The following DTX4 variants were observed in gnomAD, a reference collection of about 807,000 sequenced individuals.
The protein encoded by DTX4 is deltex E3 ubiquitin ligase 4, also known as E3 ubiquitin-protein ligase DTX4.
Under a neutral mutation model 57.6 loss-of-function variants are expected in DTX4, and 28 were observed. That is an observed-to-expected ratio of 0.49 (90% CI 0.36 to 0.67). The LOEUF is 0.67. Among genes scored for constraint, DTX4 ranks in the 30% least tolerant of loss-of-function variants. DTX4 has a pLI of 0.00. For missense variants in DTX4, 715 were observed against 836.8 expected (o/e 0.85, Z 1.80); for synonymous variants, 316 against 331.0 (o/e 0.95, Z 0.49).
At chr11:59,180,642 C>T (rs610123) in intron 1 of DTX4, among the ~76,000 whole-genome samples, 67,676 of 151,900 alleles carry the variant, frequency 0.45, 15,244 homozygotes, top group Middle Eastern at 0.47. Flanking sequence ...ACCTCCCCAC[C>T]CTGCCCTGAG....
Position 59,188,254 on chromosome 11 carries a change from G to A in DTX4, c.936-481G>A, listed in dbSNP as rs1862551020. Among the ~76,000 whole-genome samples, 3 of 152,120 alleles carry A rather than the reference G, an allele frequency of 2.0e-5. No individual in the cohort carries two copies. The South Asian group carries it at 6.2e-4, about 31-fold the overall frequency. On this transcript the variant is annotated intron_variant, in intron 2 of 8. Coordinates refer to ENST00000227451, the MANE Select transcript of DTX4 (RefSeq NM_015177.2). ...AAGTAGAGCAGGAGTCCTGGCGTGG[G>A]ATGGAGGGGTGGGTAGCAATATTCA...
At chr11:59,198,985 G>A (rs562480810) in intron 7 of DTX4, among the ~76,000 whole-genome samples, 3 of 152,332 alleles carry the variant, frequency 2.0e-5, no homozygotes, top group African/African-American at 7.2e-5. Context: ...CAAGTGGCCT[G>A]AGACTGCCTA....
chr11:59,197,728 G>A (rs188341325), intron 7 of DTX4, among the ~76,000 whole-genome samples: 12 of 152,304 alleles, frequency 7.9e-5, no homozygotes, highest in Non-Finnish European at 1.5e-4. Context: ...GATATGGTTG[G>A]ATATGGGGTC....
Position 59,204,947 on chromosome 11 carries a change from C to T in DTX4, c.*38C>T. The T allele has an allele frequency of 6.6e-7, 1 of 1,524,556 alleles. No homozygotes were observed. 94.4% of individuals were successfully genotyped at this position (1,524,556 alleles called of 1,614,324 possible). A position where few individuals can be genotyped will look rare whatever the true frequency, so the allele number is the denominator to read the frequency against. On this transcript the variant is annotated 3_prime_UTR_variant, in exon 9 of 9. Transcript: ENST00000227451. ...TTTGAGGTGGGAGGGGCCATGGAGA[C>T]TGCAGGACAGGAAGTGAGGAGAGTG...
chr11:59,188,823 GT>G, intron 3 of DTX4, 27 bp downstream of exon 3: 1 of 1,596,722 alleles, frequency 6.3e-7, no homozygotes, highest in Non-Finnish European at 8.6e-7. Context: ...GATGCTCTGG[GT>G]TAAGGTAGAG....
chr11:59,178,038 A>G (rs775218730), intron 1 of DTX4, among the ~76,000 whole-genome samples: 2 of 152,186 alleles, frequency 1.3e-5, no homozygotes, highest in Admixed American at 1.3e-4. Context: ...TGCTATTAAA[A>G]TTTTTTTAAA....
chr11:59,199,803 G>C, intron 8 of DTX4, 30 bp downstream of exon 8: 1 of 1,539,946 alleles, frequency 6.5e-7, no homozygotes, highest in Non-Finnish European at 8.8e-7. Flanking sequence ...CATAGAACTA[G>C]GTTTTAGAAT....
intron 1 of DTX4, among the ~76,000 whole-genome samples, chr11:59,178,220 G>A (rs748123190): frequency 9.2e-5 from 14 of 152,082 alleles, no homozygotes; most frequent in Non-Finnish European, 1.8e-4. Flanking sequence ...GAAGGCCAGT[G>A]TAGCTGAAAT....
Position 59,200,646 on chromosome 11 carries a change from A to G in DTX4, c.1626+873A>G, listed in dbSNP as rs139734111. ...ACTTTTTCCCAAAAGGGCAGAGAAAACAATCATTGGGTTTCTGGATTCCTA... is the reference window on the plus strand; with the variant it reads ...ACTTTTTCCCAAAAGGGCAGAGAAAGCAATCATTGGGTTTCTGGATTCCTA... On this transcript the variant is annotated intron_variant, in intron 8 of 8. Transcript: ENST00000227451. Among the ~76,000 whole-genome samples the G allele has an allele frequency of 9.6e-4, 146 of 152,326 alleles. 4 individuals are homozygous for G. In the East Asian group the frequency reaches 0.026, roughly 27 times the overall value.
At chr11:59,185,704 TG>T (rs1862519218) in intron 2 of DTX4, among the ~76,000 whole-genome samples, 1 of 152,188 alleles carries the variant, frequency 6.6e-6, no homozygotes, top group African/African-American at 2.4e-5. Context: ...CTCAACTTTA[TG>T]CTGGATACCC....
upstream of DTX4, among the ~76,000 whole-genome samples, chr11:59,171,891 G>T (rs1211895692): frequency 2.0e-5 from 3 of 152,196 alleles, no homozygotes; most frequent in Non-Finnish European, 4.4e-5. Context: ...CAAAGTTGCG[G>T]CTGGGCGACA....
chr11:59,206,017 A>T lies in DTX4; in HGVS notation c.*1108A>T, dbSNP rs368547787. 1 of 152,294 alleles carries T rather than the reference A, an allele frequency of 6.6e-6. No homozygotes were observed. Among genetic ancestry groups the T allele is most frequent in the Non-Finnish European group, 1.5e-5 (1 of 68,094 alleles). The allele number at this position is 152,294 out of a possible 1,614,324, so 9.4% of individuals were successfully genotyped here. A position where few individuals can be genotyped will look rare whatever the true frequency, so the allele number is the denominator to read the frequency against. On this transcript the variant is annotated 3_prime_UTR_variant, in exon 9 of 9. Coordinates refer to ENST00000227451, the MANE Select transcript of DTX4 (RefSeq NM_015177.2). ...TATCCCGTAGTGAACTGAAACCCCA[A>T]TGAAGACAGAACTGTGCCTGGGGAG...
chr11:59,178,656 G>A (rs1217818027), intron 1 of DTX4, among the ~76,000 whole-genome samples: 1 of 152,208 alleles, frequency 6.6e-6, no homozygotes, highest in East Asian at 1.9e-4. Context: ...AGGCAGGATG[G>A]TATGAAAAAT....
Position 59,206,508 on chromosome 11 carries a change from C to CATATATATATATATATATATATAT in DTX4, c.*1599_*1600insATATATATATATATATATATATAT, listed in dbSNP as rs1412393714. The CATATATATATATATATATATATAT allele has an allele frequency of 1.4e-3, 105 of 75,660 alleles. No individual in the cohort carries two copies. Among genetic ancestry groups the CATATATATATATATATATATATAT allele is most frequent in the East Asian group, 9.7e-3 (28 of 2,886 alleles). The allele number at this position is 75,660 out of a possible 1,614,324, so 4.7% of individuals were successfully genotyped here. ...TATACCTCATGTTTTGGGGGTTTGA[C>CATATATATATATATATATATATAT]GTATATATATATATATATATATGCA... On this transcript the variant is annotated 3_prime_UTR_variant, in exon 9 of 9. Transcript: ENST00000227451.
intron 7 of DTX4, 36 bp downstream of exon 7, chr11:59,195,405 C>G (rs562268761): frequency 1.9e-6 from 3 of 1,565,770 alleles, no homozygotes; most frequent in Non-Finnish European, 2.6e-6. Context: ...TTCTGTCACC[C>G]CTTGGTTTTT....
In DTX4 at chr11:59,182,195, C is replaced by G; in HGVS notation, c.668C>G (p.Pro223Arg). 6.2e-7 allele frequency: 1 copy of G among 1,611,890 alleles called. No homozygotes were observed. The stretch of plus-strand genomic sequence containing the variant: ...CCAGTGACCCGCAAGAACATGCCGC[C>G]TCCTGGAGTGGTCAAGCTACCCCCA... Reference protein sequence around the residue: ...QLPVTRKNMPPPGVVKLPPLP... With the variant: ...QLPVTRKNMPRPGVVKLPPLP... The change falls in exon 2 of 9, where the codon CCT (proline) becomes CGT (arginine). Residue 223 changes from proline to arginine, a missense_variant. By Grantham distance (103) the Pro-to-Arg change is moderately radical. Coordinates refer to ENST00000227451, the MANE Select transcript of DTX4 (RefSeq NM_015177.2).
rs781563130 is a variant in DTX4, at chr11:59,181,760, G to A, written c.233G>A (p.Arg78His). 1.3e-5 allele frequency: 21 copies of A among 1,607,590 alleles called. No homozygotes were observed. The highest frequency in any genetic ancestry group is 1.7e-4 in the Middle Eastern group (1 of 6,046). The change falls in exon 2 of 9, where the codon CGC becomes CAC. Residue 78 changes from arginine (R) to histidine (H), a missense_variant. Transcript: ENST00000227451. ...QDTGTLRPVR[R>H]NYYDPSSAPG... The stretch of plus-strand genomic sequence containing the variant: ...GCAGGAACTCTCCGCCCAGTTCGCC[G>A]CAACTACTACGACCCCTCCTCGGCC...
rs150777631 is a variant in DTX4 at position 59,205,085 on chromosome 11, C to A, written c.*176C>A. The stretch of plus-strand genomic sequence containing the variant: ...ACAGTGGGAGCCAGACTGAATATAG[C>A]GACATCATTCATAAATCTCATCCAA... On this transcript the variant is annotated 3_prime_UTR_variant, in exon 9 of 9. Transcript: ENST00000227451. The A allele has an allele frequency of 5.0e-6, 3 of 597,826 alleles. No homozygotes were observed. The South Asian group carries it at 5.9e-5, about 12-fold the overall frequency. 37.0% of individuals were successfully genotyped at this position (597,826 alleles called of 1,614,324 possible).
intron 7 of DTX4, among the ~76,000 whole-genome samples, chr11:59,198,747 A>G (rs1862704795): frequency 6.6e-6 from 1 of 152,156 alleles, no homozygotes; most frequent in Non-Finnish European, 1.5e-5. Flanking sequence ...TCAGTTTTAT[A>G]CTGGTTGAAT....
Sources: allele counts gnomAD v4.1 joint callset (sites outside exome capture counted in the v4.1 genomes callset), GRCh38; gene constraint gnomAD v4.1.1; transcripts MANE v1.5; gene names NCBI Gene and HGNC (gene_info 2026-07-23, HGNC 2026-07-21).